The following CLTB variants were observed in gnomAD, a reference collection of about 807,000 sequenced individuals.
The protein encoded by CLTB is clathrin light chain B.
A neutral mutation model predicts 30.5 loss-of-function variants in CLTB; 10 were observed. That is an observed-to-expected ratio of 0.33 (90% CI 0.20 to 0.56). The LOEUF is 0.56. Among genes scored for constraint, CLTB ranks in the 20% least tolerant of loss-of-function variants. The pLI is 0.91. For synonymous variants in CLTB, 102 were observed against 120.3 expected, an observed-to-expected ratio of 0.85 and a Z score of 1.00; for missense variants, 261 against 308.3, an observed-to-expected ratio of 0.85 and a Z score of 1.15.
At chr5:176,412,598 C>T (rs1757502696) in intron 1 of CLTB, among the ~76,000 whole-genome samples, 1 of 152,198 alleles carries the variant, frequency 6.6e-6, no homozygotes, top group African/African-American at 2.4e-5. Flanking sequence ...ACCAGCCAGA[C>T]AGGGCTGTGA....
At chr5:176,403,128 C>A (rs1297008555) in intron 2 of CLTB, among the ~76,000 whole-genome samples, 2 of 150,360 alleles carry the variant, frequency 1.3e-5, no homozygotes, top group Admixed American at 6.6e-5. Context: ...CGGCTCACTG[C>A]AACCTTGGCC....
At chr5:176,405,979 G>C (rs942164361) in intron 2 of CLTB, among the ~76,000 whole-genome samples, 4 of 152,126 alleles carry the variant, frequency 2.6e-5, no homozygotes, top group African/African-American at 9.6e-5. Flanking sequence ...ACACCTGCTG[G>C]CCCTCCGTGC....
Position 176,412,142 on chromosome 5 carries a change from C to T in CLTB, c.188-1839G>A, listed in dbSNP as rs1581448915. The stretch of plus-strand genomic sequence containing the variant: ...AGTGAGCCGAGATCCCGCCACTGCA[C>T]TCCAGCCTGGGCGACAGAGTGAGAC... On this transcript the variant is annotated intron_variant, in intron 1 of 5. Coordinates refer to ENST00000310418, the MANE Select transcript of CLTB (RefSeq NM_007097.5). 2.0e-5 allele frequency among the ~76,000 whole-genome samples: 3 copies of T among 148,912 alleles called. No homozygotes were observed. In the South Asian group the frequency reaches 6.4e-4, roughly 32 times the overall value.
chr5:176,409,829 T>A (rs1258337250), intron 2 of CLTB, among the ~76,000 whole-genome samples: 1 of 152,236 alleles, frequency 6.6e-6, no homozygotes, highest in East Asian at 1.9e-4. Flanking sequence ...CTGCAAAGAA[T>A]CTGGGTGGCC....
Position 176,392,774 on chromosome 5 carries a change from C to T in CLTB, c.690G>A (p.Ter230=). 1 of 1,613,912 alleles carries T rather than the reference C, an allele frequency of 6.2e-7. No homozygotes were observed. The change falls in exon 6 of 6, where the codon TAG becomes TAA. Residue 230 remains the stop codon, a stop_retained_variant. Coordinates refer to ENST00000310418, the MANE Select transcript of CLTB (RefSeq NM_007097.5). This position sits in a 1 kb window ranked among gnomAD's most constrained non-coding sequence, Gnocchi z 5.2. The part of the protein sequence containing the change: ...MSLKQTPLSR[*] Reference sequence around the variant, plus strand: ...CTGTGGCCATGCACCTAGCAGGCACCTAGCGGGACAGTGGCGTCTGCTTCA... The same window carrying T: ...CTGTGGCCATGCACCTAGCAGGCACTTAGCGGGACAGTGGCGTCTGCTTCA...
rs546476637 is a variant in CLTB at position 176,404,662 on chromosome 5, A to G, written c.234+5595T>C. On this transcript the variant is annotated intron_variant, in intron 2 of 5. Transcript: ENST00000310418. Reference sequence around the variant, plus strand: ...GCCAAACTGGGCCCACATCTCCGCCACCTGCCACCAGCTGCAAGGCCCACT... The same window carrying G: ...GCCAAACTGGGCCCACATCTCCGCCGCCTGCCACCAGCTGCAAGGCCCACT... Among the ~76,000 whole-genome samples, 151 of 152,214 alleles carry G rather than the reference A, an allele frequency of 9.9e-4. 2 individuals are homozygous for G. Among genetic ancestry groups the G allele is most frequent in the Middle Eastern group, 3.4e-3 (1 of 294 alleles).
chr5:176,400,746 C>T (rs1262206893), intron 2 of CLTB, among the ~76,000 whole-genome samples: 3 of 152,200 alleles, frequency 2.0e-5, no homozygotes, highest in Non-Finnish European at 2.9e-5. Flanking sequence ...TGACTGCCCG[C>T]GTTGTTTGAC....
intron 1 of CLTB, among the ~76,000 whole-genome samples, chr5:176,411,505 C>T (rs1581447628): frequency 6.6e-6 from 1 of 152,174 alleles, no homozygotes; most frequent in Non-Finnish European, 1.5e-5. Flanking sequence ...CCTGACCACA[C>T]CCCCATCCAC....
chr5:176,399,631 C>T (rs186390947), intron 2 of CLTB, among the ~76,000 whole-genome samples: 79 of 152,148 alleles, frequency 5.2e-4, no homozygotes, highest in African/African-American at 1.7e-3. Context: ...CGGTGGCTCA[C>T]GCCTGTAATT....
intron 2 of CLTB, among the ~76,000 whole-genome samples, chr5:176,403,561 T>A (rs1236014516): frequency 2.0e-5 from 3 of 151,642 alleles, no homozygotes; most frequent in African/African-American, 7.3e-5. Context: ...TTCAAGCAAT[T>A]CTCCTCCTCA....
In CLTB at chr5:176,398,029, C is replaced by T; in HGVS notation, c.253G>A (p.Asp85Asn). The T allele has an allele frequency of 6.2e-7, 1 of 1,613,994 alleles. No homozygotes were observed. Among genetic ancestry groups the T allele is most frequent in the Non-Finnish European group, 8.5e-7 (1 of 1,180,034 alleles). Residue 85 changes from aspartate (D) to asparagine (N), a missense_variant, in exon 3 of 6, where the codon GAT becomes AAT. Coordinates refer to ENST00000310418, the MANE Select transcript of CLTB (RefSeq NM_007097.5). The part of the protein sequence containing the change: ...DVFQEANGPA[D>N]GYAAIAQADR... ...GCCTGGGCAATGGCTGCGTAGCCAT[C>T]AGCAGGACCGTTGGCCTCCTAGAAC...
At chr5:176,406,798 C>A in intron 2 of CLTB, 2 of 1,033,698 alleles carry the variant, frequency 1.9e-6, no homozygotes, top group Non-Finnish European at 2.5e-6. Context: ...TTCTCCTCCC[C>A]CTGCAGGTGC....
Position 176,393,597 on chromosome 5 carries a change from G to A in CLTB, c.519-652C>T, listed in dbSNP as rs1756355558. ...TGATGGAATCCACCACATCCCAAGC[G>A]TCTTTCACCACAGAGCCCTTTGTAG... On this transcript the variant is annotated intron_variant, in intron 5 of 5. Coordinates refer to ENST00000310418, the MANE Select transcript of CLTB (RefSeq NM_007097.5). The surrounding 1 kb of genome is among the most constrained non-coding windows in gnomAD (Gnocchi z 4.4). 6.6e-6 allele frequency among the ~76,000 whole-genome samples: 1 copy of A among 152,136 alleles called. No individual in the cohort carries two copies. The highest frequency in any genetic ancestry group is 1.9e-4 in the East Asian group (1 of 5,192).
At chr5:176,412,174 CAAAA>C (rs546824950) in intron 1 of CLTB, among the ~76,000 whole-genome samples, 1 of 82,376 alleles carries the variant, frequency 1.2e-5, no homozygotes, top group Non-Finnish European at 2.4e-5. Flanking sequence ...AGACTCATCT[CAAAA>C]AAAAAAAAAA....
At chr5:176,401,389 C>T (rs1370758949) in intron 2 of CLTB, among the ~76,000 whole-genome samples, 1 of 152,264 alleles carries the variant, frequency 6.6e-6, no homozygotes, top group Non-Finnish European at 1.5e-5. Flanking sequence ...GACCACCACC[C>T]AATCCCCACT....
intron 2 of CLTB, among the ~76,000 whole-genome samples, chr5:176,403,164 C>T (rs1415380340): frequency 6.7e-6 from 1 of 150,300 alleles, no homozygotes; most frequent in Non-Finnish European, 1.5e-5. Context: ...ATTCTCCTGC[C>T]TCTGCCTCCC....
In CLTB at chr5:176,398,028, T is replaced by C; in HGVS notation, c.254A>G (p.Asp85Gly). 6.2e-7 allele frequency: 1 copy of C among 1,613,978 alleles called. No homozygotes were observed. Among genetic ancestry groups the C allele is most frequent in the Non-Finnish European group, 8.5e-7 (1 of 1,180,030 alleles). Residue 85 changes from aspartate (D) to glycine (G), a missense_variant, in exon 3 of 6, where the codon GAT (aspartate) becomes GGT (glycine). By Grantham distance (94) the Asp-to-Gly change is moderately conservative. Around this residue, in one of 3 missense-constraint regions of CLTB, gnomAD observed 123 missense variants for 157.0 expected, o/e 0.78. Coordinates refer to ENST00000310418, the MANE Select transcript of CLTB (RefSeq NM_007097.5). ...AGCCTGGGCAATGGCTGCGTAGCCA[T>C]CAGCAGGACCGTTGGCCTCCTAGAA... is the stretch of plus-strand genomic sequence containing the variant. ...DVFQEANGPA[D>G]GYAAIAQADR... is the part of the protein sequence containing the mutation.
chr5:176,406,466 T>A, intron 2 of CLTB: 1 of 1,184,350 alleles, frequency 8.4e-7, no homozygotes, highest in Non-Finnish European at 1.1e-6. Flanking sequence ...TTCTTTGGGA[T>A]TGATCAGCTA....
At chr5:176,412,164 A>G (rs111410476) in intron 1 of CLTB, among the ~76,000 whole-genome samples, 6,592 of 143,816 alleles carry the variant, frequency 0.046, 504 homozygotes, top group African/African-American at 0.16. Flanking sequence ...CGACAGAGTG[A>G]GACTCATCTC....
Sources: gnomAD v4.1 joint callset for allele counts (sites outside exome capture counted in the v4.1 genomes callset) on GRCh38, gnomAD v4.1.1 for gene constraint, gnomAD v4.1.1 regional missense constraint, Gnocchi (gnomAD v3.1) non-coding constraint, MANE v1.5 for transcripts, NCBI Gene and HGNC (gene_info 2026-07-23, HGNC 2026-07-21) for gene names.